Variants in MAP3K7 observed in about 807,000 individuals in gnomAD.
MAP3K7 encodes TGF-beta activated kinase 1.
MAP3K7 carries 21 observed loss-of-function variants against 84.8 expected under a neutral mutation model. The observed-to-expected ratio is 0.25, with a 90% CI of 0.18 to 0.36. MAP3K7 has a LOEUF of 0.36. MAP3K7 is among the 10% of genes least tolerant of loss of function. The pLI is 1.00. For synonymous variants in MAP3K7, 241 were observed against 247.7 expected (o/e 0.97, Z 0.25); for missense variants, 503 against 747.7 (o/e 0.67, Z 3.82).
intron 1 of MAP3K7, among the ~76,000 whole-genome samples, chr6:90,574,433 T>C (rs1326620915): frequency 6.6e-6 from 1 of 152,112 alleles, no homozygotes; most frequent in African/African-American, 2.4e-5. Flanking sequence ...CTCTTGCAAT[T>C]AACTAAGATG....
rs976422780 is a variant in MAP3K7, at chr6:90,514,698, T to C, written c.*1803A>G. ...AGATAAAAGGCCTCTTTAAAGTGAC[T>C]AGGTCCCTTTCAGTGGAGTGACAGA... On this transcript the variant is annotated 3_prime_UTR_variant, in exon 17 of 17. Coordinates refer to ENST00000369329, the MANE Select transcript of MAP3K7 (RefSeq NM_145331.3). The C allele has an allele frequency of 6.6e-6, 1 of 152,010 alleles. No individual in the cohort carries two copies. Among genetic ancestry groups the C allele is most frequent in the African/African-American group, 2.4e-5 (1 of 41,442 alleles). The allele number at this position is 152,010 out of a possible 1,614,324, so 9.4% of individuals were successfully genotyped here.
intron 11 of MAP3K7, among the ~76,000 whole-genome samples, chr6:90,546,049 TAGG>T (rs1775990818): frequency 6.6e-6 from 1 of 152,136 alleles, no homozygotes; most frequent in Non-Finnish European, 1.5e-5. Flanking sequence ...AGCACAGAAA[TAGG>T]AGACCAGTTA....
intron 16 of MAP3K7, 108 bp downstream of exon 16, chr6:90,518,339 A>G: frequency 3.1e-6 from 2 of 640,212 alleles, no homozygotes; most frequent in Non-Finnish European, 5.3e-6. Context: ...ACAAGTTGAA[A>G]GTATACTTAA....
chr6:90,562,856 G>A (rs1582219595), intron 3 of MAP3K7, among the ~76,000 whole-genome samples: 1 of 152,148 alleles, frequency 6.6e-6, no homozygotes, highest in Non-Finnish European at 1.5e-5. Flanking sequence ...ATACAGCCAG[G>A]TGCCCCTCTG....
chr6:90,560,218 C>A lies in MAP3K7; in HGVS notation c.344-4G>T, dbSNP rs374816197. The A allele has an allele frequency of 1.4e-5, 22 of 1,613,116 alleles. No individual in the cohort carries two copies. The Admixed American group carries it at 2.3e-4, about 17-fold the overall frequency. The stretch of plus-strand genomic sequence containing the variant: ...AATGGTTCAGCACCATGCAGCACTG[C>A]GAAAGAAAGGCACAAACTAAAAAGA... On this transcript the variant is annotated splice_region_variant and splice_polypyrimidine_tract_variant and intron_variant, in intron 4 of 16. Transcript: ENST00000369329.
rs539501183 is a variant in MAP3K7, at chr6:90,566,857, A to G, written c.297+1701T>C. 1.3e-5 allele frequency among the ~76,000 whole-genome samples: 2 copies of G among 152,302 alleles called. 1 individual carries two copies. Among genetic ancestry groups the G allele is most frequent in the South Asian group, 4.1e-4 (2 of 4,830 alleles). On this transcript the variant is annotated intron_variant, in intron 3 of 16. Transcript: ENST00000369329. ...CCAAAACAGCACGGTACTGGTACCA[A>G]AACAGAGATATAGACCAATGGAACA...
intron 1 of MAP3K7, among the ~76,000 whole-genome samples, chr6:90,579,546 GC>G (rs1777196766): frequency 1.3e-5 from 2 of 152,096 alleles, no homozygotes; most frequent in African/African-American, 4.8e-5. Flanking sequence ...ATTTAAAACT[GC>G]CTTTGAGACT....
intron 4 of MAP3K7, 109 bp from the exon 5 acceptor site, chr6:90,560,323 C>T (rs1435365537): frequency 1.9e-6 from 2 of 1,056,430 alleles, no homozygotes; most frequent in East Asian, 2.6e-5. Context: ...TCTACATATA[C>T]ATATGCTCCA....
intron 11 of MAP3K7, among the ~76,000 whole-genome samples, chr6:90,545,049 A>G (rs1775961365): frequency 6.6e-6 from 1 of 152,170 alleles, no homozygotes. Flanking sequence ...AAACACAGGA[A>G]TACATGTTCA....
At chr6:90,556,652 A>G (rs752446352) in intron 5 of MAP3K7, 28 bp from the exon 6 acceptor site, 19 of 1,572,338 alleles carry the variant, frequency 1.2e-5, no homozygotes, top group Non-Finnish European at 1.6e-5. Flanking sequence ...AAAAACATCA[A>G]AAGTTACAAG....
At chr6:90,546,577 G>C (rs1354440610) in intron 11 of MAP3K7, among the ~76,000 whole-genome samples, 3 of 152,080 alleles carry the variant, frequency 2.0e-5, no homozygotes, top group African/African-American at 7.2e-5. Flanking sequence ...AATTAAACCA[G>C]CATTACTAAA....
At chr6:90,553,707 C>T in intron 6 of MAP3K7, 121 bp from the exon 7 acceptor site, 1 of 693,822 alleles carries the variant, frequency 1.4e-6, no homozygotes, top group Non-Finnish European at 2.4e-6. Flanking sequence ...ACATGTAGAA[C>T]TAAGAAACTA....
intron 5 of MAP3K7, among the ~76,000 whole-genome samples, chr6:90,559,429 A>G (rs1472975207): frequency 6.6e-6 from 1 of 152,160 alleles, no homozygotes; most frequent in Admixed American, 6.5e-5. Context: ...TTACTGTGTC[A>G]CAGGTGCATA....
At chr6:90,567,483 T>C (rs1317226996) in intron 3 of MAP3K7, among the ~76,000 whole-genome samples, 1 of 152,158 alleles carries the variant, frequency 6.6e-6, no homozygotes, top group African/African-American at 2.4e-5. Context: ...TCACTGGCCA[T>C]CAGAAAAATG....
At chr6:90,553,789 A>G (rs952793470) in intron 6 of MAP3K7, among the ~76,000 whole-genome samples, 1 of 152,206 alleles carries the variant, frequency 6.6e-6, no homozygotes. Context: ...ATACACTAAA[A>G]AACTACTTCA....
chr6:90,565,710 T>C (rs915936366), intron 3 of MAP3K7, among the ~76,000 whole-genome samples: 6 of 152,210 alleles, frequency 3.9e-5, no homozygotes, highest in African/African-American at 1.4e-4. Flanking sequence ...CTAACTCATT[T>C]TATGAGGCCA....
intron 9 of MAP3K7, among the ~76,000 whole-genome samples, chr6:90,549,958 T>C (rs1048800322): frequency 5.9e-5 from 9 of 152,162 alleles, no homozygotes; most frequent in African/African-American, 2.2e-4. Context: ...AGAAGTACAA[T>C]ATTTCTAAGT....
At chr6:90,551,405 T>A (rs1334956596) in intron 8 of MAP3K7, 1 of 152,174 alleles carries the variant, frequency 6.6e-6, no homozygotes, top group African/African-American at 2.4e-5. Context: ...CTTCACAGTT[T>A]TTGTTAATGT....
chr6:90,516,607 T>C lies in MAP3K7; in HGVS notation c.1715A>G (p.Lys572Arg). Residue 572 changes from lysine to arginine, a missense_variant, in exon 17 of 17, where the codon AAA becomes AGA. Around this residue, in one of 5 missense-constraint regions of MAP3K7, gnomAD observed 43 missense variants for 47.3 expected, o/e 0.91. Coordinates refer to ENST00000369329, the MANE Select transcript of MAP3K7 (RefSeq NM_145331.3). Reference sequence around the variant, plus strand: ...GCTTTTGTTTTCATCTAAAAGCTTTTTATGTTCCTGTACCAGGCGAGATGT... The same window carrying C: ...GCTTTTGTTTTCATCTAAAAGCTTTCTATGTTCCTGTACCAGGCGAGATGT... The part of the protein sequence containing the change: ...QNTSRLVQEH[K>R]KLLDENKSLS... 1.9e-6 allele frequency: 3 copies of C among 1,612,672 alleles called. No homozygotes were observed. Among genetic ancestry groups the C allele is most frequent in the Non-Finnish European group, 2.5e-6 (3 of 1,179,118 alleles).
Sources: gnomAD v4.1 joint callset for allele counts (sites outside exome capture counted in the v4.1 genomes callset) on GRCh38, gnomAD v4.1.1 for gene constraint, gnomAD v4.1.1 regional missense constraint, MANE v1.5 for transcripts, NCBI Gene and HGNC (gene_info 2026-07-23, HGNC 2026-07-21) for gene names.